The following KIAA0825 variants were observed in gnomAD, a reference collection of about 807,000 sequenced individuals.
KIAA0825 encodes the protein KIAA0825.
KIAA0825 carries 119 observed loss-of-function variants against 147.6 expected under a neutral mutation model. The observed-to-expected ratio is 0.81, with a 90% CI of 0.69 to 0.94. The LOEUF is 0.94. Among genes scored for constraint, KIAA0825 ranks in the 40% least tolerant of loss-of-function variants. The pLI is 0.00. For synonymous variants in KIAA0825, 470 were observed against 518.1 expected (o/e 0.91, Z 1.26); for missense variants, 1,381 against 1,472.7 (o/e 0.94, Z 1.02).
chr5:94,591,788 A>ACACGGCTGGGGAGGCCTCACAAC (rs1784398223), intron 1 of KIAA0825, among the ~76,000 whole-genome samples: 1 of 152,202 alleles, frequency 6.6e-6, no homozygotes, highest in African/African-American at 2.4e-5. Context: ...TCACAGTTCC[A>ACACGGCTGGGGAGGCCTCACAAC]CACGGCTGGG....
At chr5:94,389,980 C>T (rs1749686368) in intron 18 of KIAA0825, among the ~76,000 whole-genome samples, 1 of 152,118 alleles carries the variant, frequency 6.6e-6, no homozygotes, top group African/African-American at 2.4e-5. Context: ...TCAGTTGTAA[C>T]AAGATAAATC....
intron 20 of KIAA0825, among the ~76,000 whole-genome samples, chr5:94,357,574 G>C (rs1744451733): frequency 6.6e-6 from 1 of 152,180 alleles, no homozygotes; most frequent in Admixed American, 6.5e-5. Context: ...GATGGGTCTA[G>C]TTTGACAATT....
chr5:94,260,651 T>A (rs1367488849), intron 20 of KIAA0825, among the ~76,000 whole-genome samples: 1 of 152,198 alleles, frequency 6.6e-6, no homozygotes, highest in Non-Finnish European at 1.5e-5. Context: ...GTTAATTTGG[T>A]CTCTGCTGCT....
chr5:94,477,320 A>C (rs1297593029), intron 6 of KIAA0825, 115 bp from the exon 7 acceptor site: 1 of 616,850 alleles, frequency 1.6e-6, no homozygotes, highest in Non-Finnish European at 2.9e-6. Flanking sequence ...TATCCACAGT[A>C]CATACATACA....
At chr5:94,617,462 A>G (rs558205047) in intron 1 of KIAA0825, among the ~76,000 whole-genome samples, 28 of 152,292 alleles carry the variant, frequency 1.8e-4, no homozygotes, top group South Asian at 1.4e-3. Flanking sequence ...TGAATTGAAC[A>G]TATTGCATTT....
chr5:94,604,368 G>T (rs995468514), intron 1 of KIAA0825, among the ~76,000 whole-genome samples: 1 of 152,150 alleles, frequency 6.6e-6, no homozygotes, highest in Non-Finnish European at 1.5e-5. Flanking sequence ...AGACCAGCCT[G>T]GCCAACATGG....
At position 94,506,843 on chromosome 5, in the gene KIAA0825, G is replaced by A. The variant is rs552703383; in HGVS notation, c.970+13405C>T. Among the ~76,000 whole-genome samples the A allele has an allele frequency of 4.9e-4, 75 of 152,156 alleles. 2 individuals are homozygous for A. Among genetic ancestry groups the A allele is most frequent in the South Asian group, 2.1e-4 (1 of 4,812 alleles). On this transcript the variant is annotated intron_variant, in intron 5 of 20. Coordinates refer to ENST00000682413, the MANE Select transcript of KIAA0825 (RefSeq NM_001145678.3). ...GTCTAGTTTCTAAGCCTGAAAACAC[G>A]CCACACTTCATTGGAATAAACCAGT... is the stretch of plus-strand genomic sequence containing the variant.
At chr5:94,207,254 T>C (rs763366618) in intron 20 of KIAA0825, among the ~76,000 whole-genome samples, 1 of 152,186 alleles carries the variant, frequency 6.6e-6, no homozygotes. Flanking sequence ...GAAGGAAACA[T>C]TTATGAAATG....
Position 94,200,599 on chromosome 5 carries a change from G to A in KIAA0825, c.3711-46475C>T, listed in dbSNP as rs374664615. On this transcript the variant is annotated intron_variant, in intron 20 of 20. Transcript: ENST00000682413. ...ATAGGAAATATTTGAGGGAGGGGGCGGGCTACTTAAGGTGGGTAGGCAGTC... is the reference window on the plus strand; with the variant it reads ...ATAGGAAATATTTGAGGGAGGGGGCAGGCTACTTAAGGTGGGTAGGCAGTC... Among the ~76,000 whole-genome samples, 9 of 151,826 alleles carry A rather than the reference G, an allele frequency of 5.9e-5. No homozygotes were observed. The South Asian group carries it at 1.3e-3, about 21-fold the overall frequency.
chr5:94,388,097 G>A (rs1027859578), intron 18 of KIAA0825, among the ~76,000 whole-genome samples: 1 of 152,116 alleles, frequency 6.6e-6, no homozygotes, highest in East Asian at 1.9e-4. Context: ...GGGGGAGTAT[G>A]GTTTTAGGAT....
intron 2 of KIAA0825, chr5:94,569,543 A>C: frequency 7.3e-6 from 3 of 409,726 alleles, no homozygotes; most frequent in Non-Finnish European, 9.0e-6. Context: ...AACACTAATG[A>C]CCCCAACACG....
intron 20 of KIAA0825, among the ~76,000 whole-genome samples, chr5:94,201,618 T>G (rs1379479169): frequency 6.7e-5 from 10 of 149,388 alleles, no homozygotes; most frequent in East Asian, 3.9e-4. Flanking sequence ...GTTTTTTGGT[T>G]TTTTTTTTTT....
chr5:94,168,261 G>A (rs1477980146), intron 20 of KIAA0825, among the ~76,000 whole-genome samples: 3 of 152,048 alleles, frequency 2.0e-5, no homozygotes, highest in Non-Finnish European at 4.4e-5. Context: ...ATTTCTGCAA[G>A]AATTCAAATG....
chr5:94,454,937 T>C (rs933818884), intron 12 of KIAA0825, among the ~76,000 whole-genome samples: 5 of 152,054 alleles, frequency 3.3e-5, no homozygotes, highest in African/African-American at 1.2e-4. Flanking sequence ...GAGTTGGTGA[T>C]GGCATGAATG....
At chr5:94,588,592 A>T (rs1165437619) in intron 1 of KIAA0825, among the ~76,000 whole-genome samples, 1 of 152,198 alleles carries the variant, frequency 6.6e-6, no homozygotes, top group African/African-American at 2.4e-5. Flanking sequence ...TATTGATGGG[A>T]GTGTAAATTA....
At chr5:94,410,904 A>C (rs528715123) in intron 15 of KIAA0825, among the ~76,000 whole-genome samples, 3 of 152,206 alleles carry the variant, frequency 2.0e-5, no homozygotes, top group Non-Finnish European at 4.4e-5. Flanking sequence ...GGAAACTCAG[A>C]TCTACACAAA....
chr5:94,410,319 C>A (rs543025050), intron 15 of KIAA0825, among the ~76,000 whole-genome samples: 3 of 152,054 alleles, frequency 2.0e-5, no homozygotes, highest in South Asian at 4.2e-4. Flanking sequence ...AGAATACAGC[C>A]TCACTGACCT....
chr5:94,383,086 C>T (rs2150519077), intron 20 of KIAA0825, among the ~76,000 whole-genome samples: 1 of 152,342 alleles, frequency 6.6e-6, no homozygotes, highest in Middle Eastern at 3.4e-3. Flanking sequence ...CCTCTCACCT[C>T]TCCAAATATC....
intron 3 of KIAA0825, among the ~76,000 whole-genome samples, chr5:94,528,247 A>T (rs911223081): frequency 8.5e-5 from 13 of 152,268 alleles, no homozygotes; most frequent in African/African-American, 3.1e-4. Flanking sequence ...GGTCATCGGG[A>T]CTATATATTA....
Sources: allele counts gnomAD v4.1 joint callset (sites outside exome capture counted in the v4.1 genomes callset), GRCh38; gene constraint gnomAD v4.1.1; transcripts MANE v1.5; gene names NCBI Gene and HGNC (gene_info 2026-07-23, HGNC 2026-07-21).